The following CSMD3 variants were observed in gnomAD, a reference collection of about 807,000 sequenced individuals.
The protein encoded by CSMD3 is CUB and Sushi multiple domains 3.
CSMD3 carries 177 observed loss-of-function variants against 435.2 expected under a neutral mutation model. The observed-to-expected ratio is 0.41, with a 90% CI of 0.36 to 0.46. The LOEUF is 0.46. Among genes scored for constraint, CSMD3 ranks in the 20% least tolerant of loss-of-function variants. The pLI is 0.34. For synonymous variants in CSMD3, 1,656 were observed against 1,520.5 expected, an observed-to-expected ratio of 1.09 and a Z score of -2.07; for missense variants, 4,265 against 4,504.6, an observed-to-expected ratio of 0.95 and a Z score of 1.52.
intron 53 of CSMD3, 69 bp from the exon 54 acceptor site, chr8:112,296,075 G>A (rs1022939250): frequency 3.2e-6 from 4 of 1,238,572 alleles, no homozygotes; most frequent in African/African-American, 3.0e-5. Context: ...ATATACATGT[G>A]GAACATGAGC....
At chr8:112,256,595 G>C (rs1815826413) in intron 61 of CSMD3, among the ~76,000 whole-genome samples, 1 of 152,212 alleles carries the variant, frequency 6.6e-6, no homozygotes, top group East Asian at 1.9e-4. Flanking sequence ...GGGAATGAAA[G>C]CAAATGATTT....
intron 38 of CSMD3, among the ~76,000 whole-genome samples, chr8:112,361,888 T>G (rs1043193239): frequency 1.1e-4 from 17 of 151,730 alleles, no homozygotes; most frequent in Non-Finnish European, 2.4e-4. Flanking sequence ...ATAGTAAAGA[T>G]CTTTTTATTC....
At chr8:112,701,932 T>C (rs2076397825) in intron 13 of CSMD3, among the ~76,000 whole-genome samples, 1 of 152,180 alleles carries the variant, frequency 6.6e-6, no homozygotes, top group African/African-American at 2.4e-5. Flanking sequence ...ACATCCTCCA[T>C]AATGAGTGCC....
chr8:113,066,896 A>G (rs1383299), intron 5 of CSMD3, among the ~76,000 whole-genome samples: 89,510 of 151,890 alleles, frequency 0.59, 28,369 homozygotes, highest in East Asian at 0.95. Flanking sequence ...CTATTCCATA[A>G]TACATTAGAT....
chr8:112,988,540 C>G (rs1359612968), intron 6 of CSMD3, among the ~76,000 whole-genome samples: 1 of 152,044 alleles, frequency 6.6e-6, no homozygotes, highest in African/African-American at 2.4e-5. Flanking sequence ...TCAATAGTTA[C>G]AAGACTCACA....
chr8:113,241,469 T>C (rs367618659), intron 3 of CSMD3, among the ~76,000 whole-genome samples: 1 of 151,914 alleles, frequency 6.6e-6, no homozygotes, highest in African/African-American at 2.4e-5. Context: ...ACAAAATGAA[T>C]TGGTAGAATC....
At chr8:112,887,441 T>G (rs1192075943) in intron 10 of CSMD3, among the ~76,000 whole-genome samples, 1 of 151,502 alleles carries the variant, frequency 6.6e-6, no homozygotes, top group South Asian at 2.1e-4. Context: ...AACACGAATA[T>G]ATATTAATGT....
intron 3 of CSMD3, among the ~76,000 whole-genome samples, chr8:113,264,402 A>T (rs1036338226): frequency 3.6e-5 from 3 of 82,558 alleles, no homozygotes; most frequent in Non-Finnish European, 2.2e-5. Context: ...AACTATATTT[A>T]TATATATATA....
At chr8:112,943,241 A>T (rs2083505182) in intron 9 of CSMD3, among the ~76,000 whole-genome samples, 2 of 151,556 alleles carry the variant, frequency 1.3e-5, no homozygotes, top group African/African-American at 2.4e-5. Flanking sequence ...TTTTTATTAG[A>T]TATGTAATTT....
intron 1 of CSMD3, among the ~76,000 whole-genome samples, chr8:113,408,060 AAATT>A (rs1338046930): frequency 6.6e-6 from 1 of 152,220 alleles, no homozygotes; most frequent in Non-Finnish European, 1.5e-5. Context: ...AACAAACAGA[AAATT>A]AACCACCTGT....
At chr8:112,496,149 T>C (rs865948342) in intron 30 of CSMD3, among the ~76,000 whole-genome samples, 3 of 152,076 alleles carry the variant, frequency 2.0e-5, no homozygotes, top group Non-Finnish European at 4.4e-5. Context: ...TTTTGTATTT[T>C]TAGTAGAGAC....
chr8:112,596,969 G>A (rs1284644902), intron 22 of CSMD3, among the ~76,000 whole-genome samples: 1 of 151,948 alleles, frequency 6.6e-6, no homozygotes, highest in African/African-American at 2.4e-5. Context: ...AGAAAAGCAA[G>A]AGCAAACACA....
chr8:112,292,602 T>C lies in CSMD3; in HGVS notation c.8723A>G (p.Gln2908Arg). The stretch of plus-strand genomic sequence containing the variant: ...CTGGCACTGTGCCTTTGTTGGCCCT[T>C]GCATAAGATACCCAATATTGCATGA... Reference protein sequence around the residue: ...TFSCNIGYLMQGPTKAQCQAN... With the variant: ...TFSCNIGYLMRGPTKAQCQAN... Residue 2908 changes from glutamine to arginine, a missense_variant, in exon 55 of 71, where the codon CAA (glutamine) becomes CGA (arginine). This residue lies in a region of CSMD3 where 3,255 missense variants were observed against 3,380.2 expected (regional missense o/e 0.96). Coordinates refer to ENST00000297405, the MANE Select transcript of CSMD3 (RefSeq NM_198123.2). 1 of 1,613,846 alleles carries C rather than the reference T, an allele frequency of 6.2e-7. No homozygotes were observed. Among genetic ancestry groups the C allele is most frequent in the Middle Eastern group, 1.6e-4 (1 of 6,062 alleles).
chr8:112,717,737 A>C (rs1052103590), intron 13 of CSMD3, among the ~76,000 whole-genome samples: 3 of 152,332 alleles, frequency 2.0e-5, no homozygotes, highest in Admixed American at 6.5e-5. Context: ...CAGCTATAAA[A>C]AGGAATGAGA....
intron 12 of CSMD3, among the ~76,000 whole-genome samples, chr8:112,826,566 A>C (rs1445063020): frequency 2.0e-5 from 3 of 152,112 alleles, no homozygotes; most frequent in African/African-American, 4.8e-5. Flanking sequence ...TTGGCTATGG[A>C]ATGGGGGCTC....
At chr8:112,935,705 GA>G (rs35035110) in intron 9 of CSMD3, among the ~76,000 whole-genome samples, 55,406 of 148,750 alleles carry the variant, frequency 0.37, 10,277 homozygotes, top group East Asian at 0.42. Context: ...GCTCAATTAT[GA>G]AAAAAAAAAC....
intron 50 of CSMD3, chr8:112,310,587 C>T (rs1207052863): frequency 8.4e-6 from 2 of 238,224 alleles, no homozygotes; most frequent in Non-Finnish European, 1.7e-5. Context: ...ATTTTGGATG[C>T]TAAGAGTGAA....
chr8:112,263,776 C>T lies in CSMD3; in HGVS notation c.9725G>A (p.Gly3242Glu), dbSNP rs777680602. Residue 3242 changes from glycine to glutamate, a missense_variant, in exon 61 of 71, where the codon GGA becomes GAA. Around this residue, in one of 3 missense-constraint regions of CSMD3, gnomAD observed 3,255 missense variants for 3,380.2 expected, o/e 0.96. Transcript: ENST00000297405. ...GTCGAAATTTGTTCCTTCCAGCCTTCCATTAGAGATCTGGGGAGGAGTTGG... is the reference window on the plus strand; with the variant it reads ...GTCGAAATTTGTTCCTTCCAGCCTTTCATTAGAGATCTGGGGAGGAGTTGG... ...TCPTPPQISN[G>E]RLEGTNFDWG... is the part of the protein sequence containing the mutation. 1.9e-6 allele frequency: 3 copies of T among 1,613,810 alleles called. No individual in the cohort carries two copies. The highest frequency in any genetic ancestry group is 1.1e-5 in the South Asian group (1 of 91,074).
At chr8:112,349,147 C>T (rs986727245) in intron 40 of CSMD3, among the ~76,000 whole-genome samples, 3 of 151,652 alleles carry the variant, frequency 2.0e-5, no homozygotes, top group South Asian at 2.1e-4. Context: ...TTATGAAGTA[C>T]ATAATGTGAA....
Sources: allele counts gnomAD v4.1 joint callset (sites outside exome capture counted in the v4.1 genomes callset), GRCh38; gene constraint gnomAD v4.1.1; regional missense constraint gnomAD v4.1.1; transcripts MANE v1.5; gene names NCBI Gene and HGNC (gene_info 2026-07-23, HGNC 2026-07-21).